SLC7A9: variants seen among roughly 807,000 people sequenced by gnomAD.
SLC7A9 encodes solute carrier family 7 member 9.
A neutral mutation model predicts 54.1 loss-of-function variants in SLC7A9; 38 were observed. The ratio of observed to expected loss-of-function variants is 0.70; its 90% confidence interval spans 0.54 to 0.92. SLC7A9 has a LOEUF of 0.92. SLC7A9 is among the 40% of genes least tolerant of loss of function. The pLI, the probability that SLC7A9 is intolerant of heterozygous loss-of-function variation, is 0.00. For missense variants in SLC7A9, 537 were observed against 636.1 expected, an observed-to-expected ratio of 0.84 and a Z score of 1.68; for synonymous variants, 264 against 258.9, an observed-to-expected ratio of 1.02 and a Z score of -0.19.
chr19:32,841,115 G>A (rs1208793542), intron 11 of SLC7A9, among the ~76,000 whole-genome samples: 1 of 152,120 alleles, frequency 6.6e-6, no homozygotes, highest in East Asian at 1.9e-4. Context: ...TCAAGACACA[G>A]GGCCAGAAAG....
At position 32,847,660 on chromosome 19, in the gene SLC7A9, T is replaced by A. The variant is rs182627108; in HGVS notation, c.978-3709A>T. Among the ~76,000 whole-genome samples, 455 of 152,148 alleles carry A rather than the reference T, an allele frequency of 3.0e-3. 1 individual carries two copies. Among genetic ancestry groups the A allele is most frequent in the Middle Eastern group, 0.01 (3 of 294 alleles). On this transcript the variant is annotated intron_variant, in intron 9 of 12. Transcript: ENST00000023064. ...TCCCCAATCTAGCAAGGCAGGCCAA[T>A]ATTCAGATTCAGGAAATACAGAGAA...
chr19:32,838,272 T>G (rs1968021077), intron 11 of SLC7A9, among the ~76,000 whole-genome samples: 1 of 152,154 alleles, frequency 6.6e-6, no homozygotes, highest in Admixed American at 6.6e-5. Flanking sequence ...ATTTTAATTA[T>G]TTCATGTATT....
At chr19:32,848,394 C>T (rs113540468) in intron 9 of SLC7A9, among the ~76,000 whole-genome samples, 1 of 152,110 alleles carries the variant, frequency 6.6e-6, no homozygotes, top group East Asian at 1.9e-4. Flanking sequence ...ATCCTAGTCT[C>T]TGATAAAACA....
intron 11 of SLC7A9, among the ~76,000 whole-genome samples, chr19:32,838,720 A>C (rs1373202336): frequency 6.8e-6 from 1 of 147,854 alleles, no homozygotes; most frequent in Non-Finnish European, 1.5e-5. Flanking sequence ...ATGTATATGT[A>C]TTTGTATGTA....
chr19:32,864,457 G>A (rs920434559), intron 3 of SLC7A9, 119 bp from the exon 4 acceptor site: 33 of 1,526,150 alleles, frequency 2.2e-5, no homozygotes, highest in East Asian at 2.3e-5. Flanking sequence ...GTCCGCCCTC[G>A]CTGGACGGCC....
At chr19:32,842,056 A>C (rs1815428823) in intron 11 of SLC7A9, 112 bp downstream of exon 11, 1 of 1,061,874 alleles carries the variant, frequency 9.4e-7, no homozygotes, top group African/African-American at 1.6e-5. Context: ...CGATATTTTA[A>C]AAGAGTCAAG....
intron 9 of SLC7A9, among the ~76,000 whole-genome samples, chr19:32,848,707 C>T (rs1293233553): frequency 6.6e-6 from 1 of 152,186 alleles, no homozygotes. Flanking sequence ...ACAGAACTCT[C>T]CACCCCAAAT....
intron 2 of SLC7A9, among the ~76,000 whole-genome samples, chr19:32,865,138 G>A (rs1968930404): frequency 6.6e-6 from 1 of 152,104 alleles, no homozygotes; most frequent in Admixed American, 6.6e-5. Flanking sequence ...CAATGAAAAG[G>A]CTGACTTGGC....
In SLC7A9 at chr19:32,862,674, T is replaced by A. The variant is rs187796631; in HGVS notation, c.479-88A>T. ...TTTCTTTTATATATTTTTTATTTTTTTTTTTTTTTGAGATGGAGTCTCACT... is the reference window on the plus strand; with the variant it reads ...TTTCTTTTATATATTTTTTATTTTTATTTTTTTTTGAGATGGAGTCTCACT... On this transcript the variant is annotated intron_variant, in intron 4 of 12. Transcript: ENST00000023064. 24,494 of 1,266,984 alleles carry A rather than the reference T, an allele frequency of 0.019. 306 individuals carry two copies. Among genetic ancestry groups the A allele is most frequent in the Non-Finnish European group, 0.022 (21,105 of 965,656 alleles). 78.5% of individuals were successfully genotyped at this position (1,266,984 alleles called of 1,614,324 possible). A position where few individuals can be genotyped will look rare whatever the true frequency, so the allele number is the denominator to read the frequency against.
At chr19:32,836,672 G>A (rs932044916) in intron 11 of SLC7A9, among the ~76,000 whole-genome samples, 7 of 152,104 alleles carry the variant, frequency 4.6e-5, no homozygotes, top group Non-Finnish European at 7.4e-5. Flanking sequence ...CCAGTGCTGC[G>A]TCCAGATCTG....
chr19:32,846,536 G>C (rs954062134), intron 9 of SLC7A9, among the ~76,000 whole-genome samples: 3 of 152,210 alleles, frequency 2.0e-5, no homozygotes, highest in Non-Finnish European at 4.4e-5. Context: ...GAACTGGGTG[G>C]AGCCCACCAC....
chr19:32,856,195 GT>G (rs199589539), intron 9 of SLC7A9, among the ~76,000 whole-genome samples: 2,462 of 142,504 alleles, frequency 0.017, 66 homozygotes, highest in African/African-American at 0.053. Flanking sequence ...ATAGCTAGTG[GT>G]TTTTTTTTTT....
intron 9 of SLC7A9, among the ~76,000 whole-genome samples, chr19:32,856,934 C>T (rs562767271): frequency 9.2e-5 from 14 of 152,114 alleles, no homozygotes; most frequent in African/African-American, 2.7e-4. Flanking sequence ...AGGTGGATCA[C>T]GAGGTCAGGA....
At chr19:32,834,815 G>C (rs1967910424) in intron 11 of SLC7A9, among the ~76,000 whole-genome samples, 2 of 152,106 alleles carry the variant, frequency 1.3e-5, no homozygotes, top group Admixed American at 1.3e-4. Flanking sequence ...TCCCAAGACA[G>C]AGTCTCGCTC....
At chr19:32,858,189 C>G (rs1968682657) in intron 9 of SLC7A9, among the ~76,000 whole-genome samples, 1 of 152,168 alleles carries the variant, frequency 6.6e-6, no homozygotes, top group Non-Finnish European at 1.5e-5. Flanking sequence ...AACTAGGGCC[C>G]CCTGGAGTGG....
chr19:32,842,390 AG>A (rs1968153311), intron 10 of SLC7A9, 73 bp from the exon 11 acceptor site: 2 of 1,474,110 alleles, frequency 1.4e-6, no homozygotes, highest in South Asian at 2.3e-5. Context: ...AGACCGAAGA[AG>A]CAGTTTTTCT....
rs6510300 is a variant in SLC7A9 at position 32,864,086 on chromosome 19, A to G, written c.478+10T>C. 0.13 allele frequency: 214,857 copies of G among 1,613,860 alleles called. 15,295 individuals are homozygous for G. The highest frequency in any genetic ancestry group is 0.17 in the Middle Eastern group (999 of 5,950). On this transcript the variant is annotated intron_variant, in intron 4 of 12. Transcript: ENST00000023064. ...CTTTTCTGACCCCTGCCCTGGGCTCAGGTACTCACAGATGGCGGCGGCGGC... is the reference window on the plus strand; with the variant it reads ...CTTTTCTGACCCCTGCCCTGGGCTCGGGTACTCACAGATGGCGGCGGCGGC...
At chr19:32,860,722 A>G in intron 6 of SLC7A9, 72 bp from the exon 7 acceptor site, 1 of 1,585,186 alleles carries the variant, frequency 6.3e-7, no homozygotes, top group South Asian at 1.1e-5. Flanking sequence ...ACAATAATAA[A>G]TGTTGGCCTC....
intron 12 of SLC7A9, among the ~76,000 whole-genome samples, chr19:32,832,521 G>A (rs1280283426): frequency 6.6e-6 from 1 of 150,770 alleles, no homozygotes; most frequent in East Asian, 2.0e-4. Context: ...GGGAGGTGGA[G>A]GTTGCACAGT....
Sources: allele counts gnomAD v4.1 joint callset (sites outside exome capture counted in the v4.1 genomes callset), GRCh38; gene constraint gnomAD v4.1.1; transcripts MANE v1.5; gene names NCBI Gene and HGNC (gene_info 2026-07-23, HGNC 2026-07-21).